DGKI: variants seen among roughly 807,000 people sequenced by gnomAD.
DGKI encodes the protein diacylglycerol kinase iota.
A neutral mutation model predicts 147.5 loss-of-function variants in DGKI; 55 were observed. That is an observed-to-expected ratio of 0.37 (90% CI 0.30 to 0.47). The LOEUF (loss-of-function observed/expected upper bound fraction) is 0.47, where lower values mean the gene tolerates loss of function less well. Among genes scored for constraint, DGKI ranks in the 20% least tolerant of loss-of-function variants. The pLI, the probability that DGKI is intolerant of heterozygous loss-of-function variation, is 1.00. For missense variants in DGKI, 1,007 were observed against 1,323.8 expected (o/e 0.76, Z 3.71); for synonymous variants, 469 against 477.1 (o/e 0.98, Z 0.22).
intron 20 of DGKI, among the ~76,000 whole-genome samples, chr7:137,528,915 A>T (rs1230554973): frequency 6.6e-6 from 1 of 152,110 alleles, no homozygotes; most frequent in Non-Finnish European, 1.5e-5. Flanking sequence ...TTTTTAGGGA[A>T]TTGGCTTTTA....
At chr7:137,757,913 G>GT (rs1563183849) in intron 1 of DGKI, among the ~76,000 whole-genome samples, 1 of 152,086 alleles carries the variant, frequency 6.6e-6, no homozygotes, top group African/African-American at 2.4e-5. Flanking sequence ...TTGGAGAATC[G>GT]TAACACTCTT....
At position 137,604,773 on chromosome 7, in the gene DGKI, G is replaced by A. The variant is rs555593642; in HGVS notation, c.1167+4193C>T. Among the ~76,000 whole-genome samples the A allele has an allele frequency of 5.3e-5, 8 of 152,292 alleles. No homozygotes were observed. In the East Asian group the frequency reaches 7.7e-4, roughly 15 times the overall value. On this transcript the variant is annotated intron_variant, in intron 10 of 32. Transcript: ENST00000614521. Reference sequence around the variant, plus strand: ...CTGGAAGAGAAAGTCATGAGAGAACGTGAGGGAGAGACAGTGTGAAAGCAG... The same window carrying A: ...CTGGAAGAGAAAGTCATGAGAGAACATGAGGGAGAGACAGTGTGAAAGCAG...
intron 20 of DGKI, among the ~76,000 whole-genome samples, chr7:137,535,031 C>A (rs1817470791): frequency 6.6e-6 from 1 of 152,062 alleles, no homozygotes; most frequent in Non-Finnish European, 1.5e-5. Context: ...TCAGAAGAAA[C>A]CAACCCTGCT....
At chr7:137,792,484 G>A (rs1158425966) in intron 1 of DGKI, among the ~76,000 whole-genome samples, 1 of 152,164 alleles carries the variant, frequency 6.6e-6, no homozygotes, top group African/African-American at 2.4e-5. Flanking sequence ...AGTGCTACTC[G>A]ATAGCACCAG....
chr7:137,771,399 TA>T (rs1409804116), intron 1 of DGKI, among the ~76,000 whole-genome samples: 1 of 152,198 alleles, frequency 6.6e-6, no homozygotes, highest in Non-Finnish European at 1.5e-5. Context: ...CCAACTTTCT[TA>T]AATCTCGAAC....
chr7:137,846,412 G>C lies in DGKI; in HGVS notation c.401+50C>G. 7.1e-7 allele frequency: 1 copy of C among 1,416,260 alleles called. No homozygotes were observed. The highest frequency in any genetic ancestry group is 1.2e-5 in the South Asian group (1 of 86,090). 87.7% of individuals were successfully genotyped at this position (1,416,260 alleles called of 1,614,324 possible). Reference sequence around the variant, plus strand: ...GCGCCCCTTGCTGGGTAGAAGAGTGGGTCTCCCGCCGCGGCGCACCTGTCT... The same window carrying C: ...GCGCCCCTTGCTGGGTAGAAGAGTGCGTCTCCCGCCGCGGCGCACCTGTCT... On this transcript the variant is annotated intron_variant, in intron 1 of 32. Coordinates refer to ENST00000614521, the MANE Select transcript of DGKI (RefSeq NM_001321708.2). The surrounding 1 kb of genome is among the most constrained non-coding windows in gnomAD (Gnocchi z 4.0).
At chr7:137,427,274 A>G (rs1765615301) in intron 28 of DGKI, among the ~76,000 whole-genome samples, 1 of 152,238 alleles carries the variant, frequency 6.6e-6, no homozygotes, top group African/African-American at 2.4e-5. Flanking sequence ...CTACATGGAA[A>G]CTGAACAACC....
intron 1 of DGKI, among the ~76,000 whole-genome samples, chr7:137,823,257 T>G (rs1797957214): frequency 6.6e-6 from 1 of 152,156 alleles, no homozygotes; most frequent in Non-Finnish European, 1.5e-5. Context: ...TTATTGAGAA[T>G]TAGAATGGAA....
chr7:137,515,350 G>C (rs903236376), intron 21 of DGKI, among the ~76,000 whole-genome samples: 1 of 152,064 alleles, frequency 6.6e-6, no homozygotes, highest in Non-Finnish European at 1.5e-5. Context: ...GCACTTTTCT[G>C]TATCTTGAAA....
At chr7:137,531,328 T>C (rs944347324) in intron 20 of DGKI, among the ~76,000 whole-genome samples, 3 of 152,208 alleles carry the variant, frequency 2.0e-5, no homozygotes, top group African/African-American at 7.2e-5. Context: ...AGTAAATCCA[T>C]GTAATGAAGG....
chr7:137,501,727 C>A (rs1437999141), intron 21 of DGKI, among the ~76,000 whole-genome samples: 1 of 152,124 alleles, frequency 6.6e-6, no homozygotes, highest in East Asian at 1.9e-4. Flanking sequence ...AGATGGAACT[C>A]TGAGGTTAAC....
chr7:137,545,827 G>T, intron 20 of DGKI: 1 of 658,958 alleles, frequency 1.5e-6, no homozygotes, highest in South Asian at 1.7e-5. Flanking sequence ...TGAAGGCAAG[G>T]GACACAGGTA....
At chr7:137,408,532 G>A (rs556923601) in intron 29 of DGKI, among the ~76,000 whole-genome samples, 3 of 152,014 alleles carry the variant, frequency 2.0e-5, no homozygotes, top group Non-Finnish European at 4.4e-5. Context: ...ACATACACAC[G>A]CATGCATGCA....
At chr7:137,400,069 A>T (rs1305715488) in intron 30 of DGKI, among the ~76,000 whole-genome samples, 2 of 152,210 alleles carry the variant, frequency 1.3e-5, no homozygotes, top group Non-Finnish European at 2.9e-5. Flanking sequence ...ATATGGGATC[A>T]TCAGTGAAGG....
intron 6 of DGKI, among the ~76,000 whole-genome samples, chr7:137,642,223 A>G (rs1356654018): frequency 6.6e-6 from 1 of 152,170 alleles, no homozygotes; most frequent in Non-Finnish European, 1.5e-5. Flanking sequence ...CCCTTGTGCT[A>G]TGGTTTCTGT....
At chr7:137,651,744 A>G (rs530970049) in intron 5 of DGKI, among the ~76,000 whole-genome samples, 2 of 152,340 alleles carry the variant, frequency 1.3e-5, no homozygotes, top group African/African-American at 2.4e-5. Context: ...GCAATGAAAA[A>G]GAATAGGAAG....
At chr7:137,515,173 G>A (rs189710657) in intron 21 of DGKI, among the ~76,000 whole-genome samples, 1 of 152,014 alleles carries the variant, frequency 6.6e-6, no homozygotes, top group Non-Finnish European at 1.5e-5. Flanking sequence ...TTTTGTTCTG[G>A]TCTCTCTTTA....
chr7:137,511,994 T>C (rs562216975), intron 21 of DGKI, among the ~76,000 whole-genome samples: 1 of 152,312 alleles, frequency 6.6e-6, no homozygotes, highest in South Asian at 2.1e-4. Flanking sequence ...CATCTCCCTC[T>C]TCCTGGTCCC....
intron 6 of DGKI, among the ~76,000 whole-genome samples, chr7:137,638,364 T>G (rs746009294): frequency 1.3e-5 from 2 of 148,862 alleles, no homozygotes; most frequent in Non-Finnish European, 3.0e-5. Flanking sequence ...ATTTCCCCAA[T>G]GCTTCTTTTT....
Sources: gnomAD v4.1 joint callset for allele counts (sites outside exome capture counted in the v4.1 genomes callset) on GRCh38, gnomAD v4.1.1 for gene constraint, Gnocchi (gnomAD v3.1) non-coding constraint, MANE v1.5 for transcripts, NCBI Gene and HGNC (gene_info 2026-07-23, HGNC 2026-07-21) for gene names.